Variants in KCNMA1 observed in about 807,000 individuals in gnomAD.
KCNMA1 encodes potassium calcium-activated channel subfamily M alpha 1, also known as Calcium-activated potassium channel subunit alpha-1.
In KCNMA1, 29 loss-of-function variants were observed where a neutral mutation model predicts 140.0. The ratio of observed to expected loss-of-function variants is 0.21; its 90% CI spans 0.15 to 0.28. The LOEUF is 0.28. Ranked by LOEUF, KCNMA1 falls within the 10% of genes least tolerant of loss-of-function variation. KCNMA1 has a pLI of 1.00. For missense variants in KCNMA1, 880 were observed against 1,602.2 expected (o/e 0.55, Z 7.70); for synonymous variants, 612 against 611.9 (o/e 1.00, Z 0.00).
chr10:77,024,032 G>A (rs1043452625), intron 16 of KCNMA1, among the ~76,000 whole-genome samples: 13 of 152,076 alleles, frequency 8.5e-5, no homozygotes, highest in Admixed American at 1.3e-4. Context: ...AATATATTTC[G>A]TACATACAAA....
chr10:77,285,072 A>G (rs1272132414), intron 2 of KCNMA1, among the ~76,000 whole-genome samples: 2 of 152,208 alleles, frequency 1.3e-5, no homozygotes, highest in Admixed American at 1.3e-4. Context: ...TGAGTTAATT[A>G]TGTTCTTTGG....
chr10:77,025,545 G>T, intron 16 of KCNMA1: 1 of 1,093,124 alleles, frequency 9.1e-7, no homozygotes, highest in Non-Finnish European at 1.4e-6. Context: ...TAAAACCTTT[G>T]TTTCAAATCA....
At chr10:77,029,055 T>C (rs777124766) in intron 15 of KCNMA1, among the ~76,000 whole-genome samples, 43 of 152,128 alleles carry the variant, frequency 2.8e-4, no homozygotes, top group Non-Finnish European at 6.2e-4. Context: ...AATAATATCA[T>C]ATAAAAAGAC....
intron 1 of KCNMA1, among the ~76,000 whole-genome samples, chr10:77,582,361 G>A (rs896114851): frequency 5.9e-5 from 9 of 152,232 alleles, no homozygotes; most frequent in Admixed American, 6.5e-5. Flanking sequence ...CTTAATATAT[G>A]TGGAAGAGGA....
intron 5 of KCNMA1, among the ~76,000 whole-genome samples, chr10:77,158,502 G>C (rs1197533110): frequency 1.3e-5 from 2 of 152,052 alleles, no homozygotes; most frequent in Non-Finnish European, 2.9e-5. Context: ...CCTTTTCATG[G>C]AAGTGAGAGT....
chr10:76,960,629 T>TG (rs2070929086), intron 20 of KCNMA1, among the ~76,000 whole-genome samples: 2 of 148,426 alleles, frequency 1.3e-5, no homozygotes, highest in South Asian at 2.1e-4. Context: ...TTTTTTTTTT[T>TG]TTTTTTTTTT....
intron 10 of KCNMA1, among the ~76,000 whole-genome samples, chr10:77,087,752 G>A (rs1254772771): frequency 2.6e-5 from 4 of 152,126 alleles, no homozygotes; most frequent in African/African-American, 9.7e-5. Flanking sequence ...CTGTCGATAA[G>A]GTACCGTGCT....
intron 15 of KCNMA1, among the ~76,000 whole-genome samples, chr10:77,033,454 A>G (rs185017802): frequency 5.3e-5 from 8 of 152,072 alleles, no homozygotes; most frequent in African/African-American, 1.9e-4. Flanking sequence ...TTTCACACAC[A>G]CACACAAACA....
intron 20 of KCNMA1, among the ~76,000 whole-genome samples, chr10:76,969,132 G>A (rs2075105975): frequency 6.6e-6 from 1 of 151,970 alleles, no homozygotes. Context: ...AGACAAAAAG[G>A]GGAGATAAAA....
chr10:77,023,285 C>T (rs1238612754), intron 16 of KCNMA1, among the ~76,000 whole-genome samples: 2 of 152,104 alleles, frequency 1.3e-5, no homozygotes, highest in African/African-American at 2.4e-5. Flanking sequence ...ACCTATGATT[C>T]GTAATTCAAG....
At chr10:77,137,928 A>C (rs1055275497) in intron 5 of KCNMA1, among the ~76,000 whole-genome samples, 2 of 151,984 alleles carry the variant, frequency 1.3e-5, no homozygotes, top group African/African-American at 4.8e-5. Flanking sequence ...CACCATGCCC[A>C]GCTAATTTTT....
At chr10:77,514,079 C>T (rs150979682) in intron 1 of KCNMA1, among the ~76,000 whole-genome samples, 127 of 152,368 alleles carry the variant, frequency 8.3e-4, no homozygotes, top group African/African-American at 2.8e-3. Flanking sequence ...TCAATTTGCC[C>T]GCCTGGCACC....
At chr10:77,435,491 G>A (rs951528337) in intron 1 of KCNMA1, among the ~76,000 whole-genome samples, 3 of 152,246 alleles carry the variant, frequency 2.0e-5, no homozygotes, top group Admixed American at 6.5e-5. Flanking sequence ...ACAGTAAACC[G>A]AGACTTTCTC....
At chr10:76,937,907 G>C (rs150538246) in intron 23 of KCNMA1, among the ~76,000 whole-genome samples, 32 of 151,118 alleles carry the variant, frequency 2.1e-4, no homozygotes, top group African/African-American at 7.8e-4. Context: ...GTGTGTGTGT[G>C]TGCGTATGTG....
Position 77,513,939 on chromosome 10 carries a change from G to A in KCNMA1, c.379-109916C>T, listed in dbSNP as rs189659442. Reference sequence around the variant, plus strand: ...CTCCTGCATCTGGGCCCCTCTCACCGCAGTGCTGCCTGCCCAGGACCTGCA... The same window carrying A: ...CTCCTGCATCTGGGCCCCTCTCACCACAGTGCTGCCTGCCCAGGACCTGCA... On this transcript the variant is annotated intron_variant, in intron 1 of 27. Coordinates refer to ENST00000286628, the MANE Select transcript of KCNMA1 (RefSeq NM_001161352.2). 8.5e-5 allele frequency among the ~76,000 whole-genome samples: 13 copies of A among 152,314 alleles called. No homozygotes were observed. The South Asian group carries it at 1.5e-3, about 17-fold the overall frequency.
chr10:77,023,321 T>G (rs1031660123), intron 16 of KCNMA1, among the ~76,000 whole-genome samples: 1 of 152,336 alleles, frequency 6.6e-6, no homozygotes, highest in Non-Finnish European at 1.5e-5. Context: ...TTAAGGAAAC[T>G]TCTATCCATT....
At chr10:76,892,677 G>A (rs2040688883) in intron 25 of KCNMA1, among the ~76,000 whole-genome samples, 1 of 152,144 alleles carries the variant, frequency 6.6e-6, no homozygotes, top group African/African-American at 2.4e-5. Context: ...GCAAGGCATA[G>A]TAGGGAACAA....
intron 1 of KCNMA1, among the ~76,000 whole-genome samples, chr10:77,442,374 G>A (rs535368520): frequency 6.6e-6 from 1 of 152,044 alleles, no homozygotes; most frequent in South Asian, 2.1e-4. Flanking sequence ...CCCCATCTAG[G>A]ATGGGCTTTC....
chr10:77,545,062 T>G (rs1006166003), intron 1 of KCNMA1, among the ~76,000 whole-genome samples: 4 of 152,198 alleles, frequency 2.6e-5, no homozygotes, highest in Non-Finnish European at 1.5e-5. Flanking sequence ...AGTCACTGAA[T>G]GATTAGTTTA....
Sources: allele counts gnomAD v4.1 joint callset (sites outside exome capture counted in the v4.1 genomes callset), GRCh38; gene constraint gnomAD v4.1.1; transcripts MANE v1.5; gene names NCBI Gene and HGNC (gene_info 2026-07-23, HGNC 2026-07-21).